The following EYS variants were observed in gnomAD, a reference collection of about 807,000 sequenced individuals.
EYS encodes the protein EGF-like photoreceptor maintenance factor, also known as protein eyes shut homolog.
In EYS, 250 loss-of-function variants were observed where a neutral mutation model predicts 282.1. That is an observed-to-expected ratio of 0.89 (90% CI 0.80 to 0.98). The LOEUF (loss-of-function observed/expected upper bound fraction) is 0.98, where lower values mean the gene tolerates loss of function less well. Among genes scored for constraint, EYS ranks in the 50% least tolerant of loss-of-function variants. The pLI is 0.00. For missense variants in EYS, 4,016 were observed against 3,709.0 expected, an observed-to-expected ratio of 1.08 and a Z score of -2.15; for synonymous variants, 1,355 against 1,282.9, an observed-to-expected ratio of 1.06 and a Z score of -1.20.
chr6:65,094,493 T>C (rs1317914078), intron 12 of EYS, among the ~76,000 whole-genome samples: 1 of 151,326 alleles, frequency 6.6e-6, no homozygotes, highest in Non-Finnish European at 1.5e-5. Flanking sequence ...CAAGTCTTAG[T>C]AAATTTAAGA....
intron 12 of EYS, among the ~76,000 whole-genome samples, chr6:65,253,889 TC>T (rs145103841): frequency 1.3e-5 from 2 of 151,714 alleles, no homozygotes; most frequent in South Asian, 2.1e-4. Context: ...TTCAGGCATT[TC>T]CCCCAATACA....
intron 22 of EYS, chr6:64,730,984 CAG>C (rs1771943043): frequency 6.6e-6 from 1 of 152,180 alleles, no homozygotes; most frequent in African/African-American, 2.4e-5. Flanking sequence ...AGGGCAACTA[CAG>C]TTTCATCTTG....
At chr6:64,270,108 G>A (rs1185788279) in intron 30 of EYS, among the ~76,000 whole-genome samples, 1 of 152,022 alleles carries the variant, frequency 6.6e-6, no homozygotes, top group East Asian at 1.9e-4. Flanking sequence ...AGTATTTATC[G>A]TAATTCTGGC....
chr6:64,420,478 T>G (rs1005042797), intron 28 of EYS, among the ~76,000 whole-genome samples: 4 of 151,622 alleles, frequency 2.6e-5, no homozygotes, highest in African/African-American at 9.7e-5. Flanking sequence ...CCCCAGAAAA[T>G]GGGTTTTGGT....
intron 35 of EYS, among the ~76,000 whole-genome samples, chr6:63,970,415 C>T (rs1047467424): frequency 6.6e-6 from 1 of 152,136 alleles, no homozygotes; most frequent in Admixed American, 6.5e-5. Flanking sequence ...GTGGCCAGAT[C>T]ACTAGGTCAG....
rs142225635 is a variant in EYS, at chr6:63,879,853, A to C, written c.7056-15495T>G. ...TAACTGGACAGGATGCCAGGATAACAGGGGTAAACAGGGACTATCCCAGCT... is the reference window on the plus strand; with the variant it reads ...TAACTGGACAGGATGCCAGGATAACCGGGGTAAACAGGGACTATCCCAGCT... On this transcript the variant is annotated intron_variant, in intron 35 of 42. Coordinates refer to ENST00000503581, the MANE Select transcript of EYS (RefSeq NM_001142800.2). Among the ~76,000 whole-genome samples, 246 of 152,342 alleles carry C rather than the reference A, an allele frequency of 1.6e-3. 1 individual carries two copies. The highest frequency in any genetic ancestry group is 5.6e-3 in the African/African-American group (232 of 41,582).
chr6:65,394,474 G>C (rs913123959), intron 7 of EYS, among the ~76,000 whole-genome samples: 1 of 152,068 alleles, frequency 6.6e-6, no homozygotes, highest in Non-Finnish European at 1.5e-5. Context: ...CTGTAGCGCC[G>C]TGGACACTGC....
At chr6:63,825,230 C>T (rs998335108) in intron 36 of EYS, among the ~76,000 whole-genome samples, 1 of 152,148 alleles carries the variant, frequency 6.6e-6, no homozygotes, top group African/African-American at 2.4e-5. Flanking sequence ...CCCCATCCTC[C>T]ACAGCAGCCA....
At chr6:64,636,629 A>AAACTACC (rs1272625540) in intron 22 of EYS, among the ~76,000 whole-genome samples, 1 of 152,148 alleles carries the variant, frequency 6.6e-6, no homozygotes, top group African/African-American at 2.4e-5. Context: ...ACAGCAAAAG[A>AAACTACC]AACTACCATC....
intron 26 of EYS, among the ~76,000 whole-genome samples, chr6:64,577,185 A>G (rs998666970): frequency 6.6e-6 from 1 of 152,088 alleles, no homozygotes; most frequent in African/African-American, 2.4e-5. Context: ...CAGAATTGTG[A>G]GACAATAAAT....
chr6:65,231,105 A>ATATATTTATTTATATATATATACTTT (rs1766764286), intron 12 of EYS, among the ~76,000 whole-genome samples: 1 of 145,448 alleles, frequency 6.9e-6, no homozygotes, highest in Admixed American at 7.0e-5. Context: ...ATACTTTTAT[A>ATATATTTATTTATATATATATACTTT]TATATGTATT....
intron 12 of EYS, among the ~76,000 whole-genome samples, chr6:65,137,482 C>G (rs1469705222): frequency 6.6e-6 from 1 of 151,998 alleles, no homozygotes; most frequent in East Asian, 1.9e-4. Flanking sequence ...GCACTGGAGA[C>G]TTTTAAGCCA....
At chr6:65,556,679 T>C (rs1768818642) in intron 2 of EYS, among the ~76,000 whole-genome samples, 1 of 152,290 alleles carries the variant, frequency 6.6e-6, no homozygotes, top group South Asian at 2.1e-4. Context: ...CAATATTAGT[T>C]CCACGGGCAT....
chr6:65,014,874 T>A (rs1409914113), intron 13 of EYS, among the ~76,000 whole-genome samples: 1 of 152,158 alleles, frequency 6.6e-6, no homozygotes, highest in Non-Finnish European at 1.5e-5. Flanking sequence ...AGGATTTTGT[T>A]GTGGTAAGCT....
At chr6:64,408,004 C>T (rs954169721) in intron 28 of EYS, among the ~76,000 whole-genome samples, 12 of 152,112 alleles carry the variant, frequency 7.9e-5, no homozygotes, top group Non-Finnish European at 1.5e-4. Flanking sequence ...TGGGATTACA[C>T]GCATGAGCCA....
chr6:64,344,235 C>G (rs1771270097), intron 29 of EYS, among the ~76,000 whole-genome samples: 1 of 152,074 alleles, frequency 6.6e-6, no homozygotes, highest in Admixed American at 6.6e-5. Flanking sequence ...GATACCAAAG[C>G]CTGGCAGAGA....
At chr6:63,788,493 T>C (rs999838235) in intron 38 of EYS, among the ~76,000 whole-genome samples, 3 of 152,192 alleles carry the variant, frequency 2.0e-5, no homozygotes, top group African/African-American at 7.2e-5. Flanking sequence ...AAAGATTAGG[T>C]GCTGGCATCC....
intron 26 of EYS, among the ~76,000 whole-genome samples, chr6:64,453,764 A>C (rs1396256470): frequency 1.3e-5 from 2 of 152,076 alleles, no homozygotes; most frequent in Non-Finnish European, 1.5e-5. Flanking sequence ...AGGAGAAAAA[A>C]CCAAACACCG....
intron 12 of EYS, among the ~76,000 whole-genome samples, chr6:65,063,120 T>C (rs1773628158): frequency 6.6e-6 from 1 of 151,940 alleles, no homozygotes; most frequent in South Asian, 2.1e-4. Flanking sequence ...ACTGTTTATA[T>C]AAAACAAAGA....
Sources: gnomAD v4.1 joint callset for allele counts (sites outside exome capture counted in the v4.1 genomes callset) on GRCh38, gnomAD v4.1.1 for gene constraint, MANE v1.5 for transcripts, NCBI Gene and HGNC (gene_info 2026-07-23, HGNC 2026-07-21) for gene names.